KCNAB1: variants seen among roughly 807,000 people sequenced by gnomAD.
KCNAB1 encodes the protein potassium voltage-gated channel subfamily A regulatory beta subunit 1.
KCNAB1 carries 35 observed loss-of-function variants against 64.6 expected under a neutral mutation model. That is an observed-to-expected ratio of 0.54 (90% CI 0.41 to 0.72). KCNAB1 has a LOEUF of 0.72. Ranked by LOEUF, KCNAB1 falls within the 30% of genes least tolerant of loss-of-function variation. KCNAB1 has a pLI of 0.00. For synonymous variants in KCNAB1, 177 were observed against 183.8 expected (o/e 0.96, Z 0.30); for missense variants, 401 against 512.9 (o/e 0.78, Z 2.11).
intron 1 of KCNAB1, among the ~76,000 whole-genome samples, chr3:156,352,387 G>C (rs183154219): frequency 3.2e-4 from 49 of 152,288 alleles, no homozygotes; most frequent in African/African-American, 1.1e-3. Flanking sequence ...GTGAACTTCT[G>C]CATTCTGTGG....
intron 1 of KCNAB1, among the ~76,000 whole-genome samples, chr3:156,129,610 G>T (rs1218601962): frequency 6.6e-6 from 1 of 152,018 alleles, no homozygotes; most frequent in East Asian, 1.9e-4. Context: ...AGAATAACAG[G>T]GTTACATATT....
chr3:156,198,728 C>A (rs924537329), intron 1 of KCNAB1, among the ~76,000 whole-genome samples: 1 of 68,654 alleles, frequency 1.5e-5, no homozygotes, highest in Non-Finnish European at 2.9e-5. Flanking sequence ...GAATACGGCA[C>A]ACCAATGGGT....
chr3:156,405,843 A>G (rs1714209839), intron 1 of KCNAB1, among the ~76,000 whole-genome samples: 1 of 152,228 alleles, frequency 6.6e-6, no homozygotes, highest in South Asian at 2.1e-4. Context: ...AACCTTATAA[A>G]TAACTACTAT....
intron 1 of KCNAB1, among the ~76,000 whole-genome samples, chr3:156,255,734 T>A (rs2108471166): frequency 6.6e-6 from 1 of 152,286 alleles, no homozygotes; most frequent in East Asian, 1.9e-4. Context: ...CCAGAGTAAA[T>A]ATCACCTCCT....
chr3:156,367,902 ATCTCCT>A (rs1381305393), intron 1 of KCNAB1, among the ~76,000 whole-genome samples: 1 of 152,166 alleles, frequency 6.6e-6, no homozygotes, highest in East Asian at 1.9e-4. Context: ...TCCCTACAGG[ATCTCCT>A]TCCCTATCCC....
intron 1 of KCNAB1, among the ~76,000 whole-genome samples, chr3:156,200,655 C>T (rs1714270496): frequency 3.9e-5 from 6 of 152,184 alleles, no homozygotes; most frequent in Admixed American, 3.9e-4. Context: ...GCAGATGCCC[C>T]TCCCCTCACC....
chr3:156,489,463 T>C (rs947639875), intron 8 of KCNAB1, among the ~76,000 whole-genome samples: 2 of 152,106 alleles, frequency 1.3e-5, no homozygotes, highest in African/African-American at 4.8e-5. Flanking sequence ...CTGAACATTG[T>C]CTATTGGTGT....
chr3:156,272,273 T>A (rs1234044193), intron 1 of KCNAB1, among the ~76,000 whole-genome samples: 1 of 152,230 alleles, frequency 6.6e-6, no homozygotes, highest in East Asian at 1.9e-4. Flanking sequence ...CAGGCAGTTT[T>A]TTGTCCTTCC....
chr3:156,177,620 G>A (rs1014930175), intron 1 of KCNAB1, among the ~76,000 whole-genome samples: 2 of 151,306 alleles, frequency 1.3e-5, no homozygotes, highest in East Asian at 2.0e-4. Flanking sequence ...CTCGTGATCC[G>A]CCCGCCTTGG....
At chr3:156,177,543 A>AT (rs571164130) in intron 1 of KCNAB1, among the ~76,000 whole-genome samples, 6 of 151,424 alleles carry the variant, frequency 4.0e-5, no homozygotes, top group Non-Finnish European at 8.8e-5. Context: ...CGCCTGGCTA[A>AT]TTTTTTTGTA....
At chr3:156,388,892 T>G (rs1262738926) in intron 1 of KCNAB1, among the ~76,000 whole-genome samples, 3 of 152,186 alleles carry the variant, frequency 2.0e-5, no homozygotes, top group African/African-American at 7.2e-5. Context: ...TCCTTTCACG[T>G]CAGGGGCATT....
intron 1 of KCNAB1, among the ~76,000 whole-genome samples, chr3:156,183,073 A>C (rs1052213080): frequency 6.6e-6 from 1 of 152,182 alleles, no homozygotes; most frequent in Admixed American, 6.5e-5. Context: ...TGATTTAAAG[A>C]GTACTTCAAA....
At chr3:156,530,250 A>T (rs187676787) in intron 12 of KCNAB1, among the ~76,000 whole-genome samples, 1 of 152,166 alleles carries the variant, frequency 6.6e-6, no homozygotes. Flanking sequence ...CAAAAAGGAG[A>T]TATCTCCAAG....
intron 7 of KCNAB1, among the ~76,000 whole-genome samples, chr3:156,472,651 G>T (rs1413894344): frequency 6.6e-6 from 1 of 152,162 alleles, no homozygotes; most frequent in Non-Finnish European, 1.5e-5. Flanking sequence ...GAACTAAAGA[G>T]GTGGGAATGA....
At chr3:156,409,878 G>A (rs1015004137) in intron 1 of KCNAB1, among the ~76,000 whole-genome samples, 1 of 152,204 alleles carries the variant, frequency 6.6e-6, no homozygotes, top group African/African-American at 2.4e-5. Context: ...GCCTGACCAA[G>A]CATTAGTCAT....
intron 1 of KCNAB1, among the ~76,000 whole-genome samples, chr3:156,208,478 G>A (rs1440680333): frequency 6.6e-6 from 1 of 152,156 alleles, no homozygotes; most frequent in African/African-American, 2.4e-5. Flanking sequence ...GGAGCAGGAA[G>A]CATGTTCATT....
intron 1 of KCNAB1, among the ~76,000 whole-genome samples, chr3:156,144,316 C>T: frequency 6.6e-6 from 1 of 152,308 alleles, no homozygotes; most frequent in East Asian, 1.9e-4. Flanking sequence ...CCAGTGATTT[C>T]ATTTTTCCAA....
intron 8 of KCNAB1, among the ~76,000 whole-genome samples, chr3:156,501,867 G>A (rs1030066410): frequency 6.6e-6 from 1 of 152,152 alleles, no homozygotes; most frequent in Non-Finnish European, 1.5e-5. Context: ...AATCATGGTG[G>A]GAGGTGAATG....
intron 1 of KCNAB1, among the ~76,000 whole-genome samples, chr3:156,182,599 T>C (rs1388167529): frequency 1.4e-5 from 2 of 140,078 alleles, no homozygotes; most frequent in African/African-American, 5.3e-5. Flanking sequence ...CTTTATATTC[T>C]ACTCCTTCTT....
Sources: gnomAD v4.1 joint callset for allele counts (sites outside exome capture counted in the v4.1 genomes callset) on GRCh38, gnomAD v4.1.1 for gene constraint, MANE v1.5 for transcripts, NCBI Gene and HGNC (gene_info 2026-07-23, HGNC 2026-07-21) for gene names.